The following PRMT8 variants were observed in gnomAD, a reference collection of about 807,000 sequenced individuals.
PRMT8 encodes protein arginine N-methyltransferase 8.
In PRMT8, 7 loss-of-function variants were observed where a neutral mutation model predicts 47.1. The observed-to-expected ratio is 0.15, with a 90% CI of 0.08 to 0.28. The LOEUF (loss-of-function observed/expected upper bound fraction) is 0.28, where lower values mean the gene tolerates loss of function less well. Among genes scored for constraint, PRMT8 ranks in the 10% least tolerant of loss-of-function variants. The pLI is 1.00. For missense variants in PRMT8, 237 were observed against 505.4 expected (o/e 0.47, Z 5.09); for synonymous variants, 188 against 186.5 (o/e 1.01, Z -0.07).
chr12:3,412,152 C>T (rs1187714004), intron 1 of PRMT8, among the ~76,000 whole-genome samples: 2 of 152,204 alleles, frequency 1.3e-5, no homozygotes, highest in African/African-American at 4.8e-5. Flanking sequence ...TCCTAGGCTA[C>T]AAACCTCTAC....
intron 1 of PRMT8, among the ~76,000 whole-genome samples, chr12:3,444,151 A>G (rs1008239498): frequency 6.6e-6 from 1 of 152,202 alleles, no homozygotes; most frequent in African/African-American, 2.4e-5. Context: ...CAGAACCCAG[A>G]CAAGGACTTG....
At position 3,540,632 on chromosome 12, in the gene PRMT8, C is replaced by CCCCCCCCCCCCCCCCCCCCCT; in HGVS notation, c.103_104insCCCCCCCCCCCCCCCCCCCTC (p.Pro34_Gln35insProProProProProProPro). On this transcript the variant is annotated inframe_insertion, in exon 2 of 10. Coordinates refer to ENST00000382622, the MANE Select transcript of PRMT8 (RefSeq NM_019854.5). The stretch of plus-strand genomic sequence containing the variant: ...TGAACAGCCCCCCCTCCCAGCCCCC[C>CCCCCCCCCCCCCCCCCCCCCT]CAGCCCGTCGTCCCTGCTAAGCCCG... The CCCCCCCCCCCCCCCCCCCCCT allele has an allele frequency of 6.3e-7, 1 of 1,582,662 alleles. No individual in the cohort carries two copies. The highest frequency in any genetic ancestry group is 8.7e-7 in the Non-Finnish European group (1 of 1,152,684).
At chr12:3,585,245 G>A (rs1565449912) in intron 8 of PRMT8, among the ~76,000 whole-genome samples, 1 of 151,800 alleles carries the variant, frequency 6.6e-6, no homozygotes, top group Non-Finnish European at 1.5e-5. Context: ...GGGGTGAGGA[G>A]GTGAGTAGTT....
Position 3,540,619 on chromosome 12 carries a change from C to CCAA in PRMT8, c.90_91insAAC (p.Pro30_Ser31insAsn). On this transcript the variant is annotated inframe_insertion, in exon 2 of 10. Coordinates refer to ENST00000382622, the MANE Select transcript of PRMT8 (RefSeq NM_019854.5). Reference sequence around the variant, plus strand: ...TCTTCCCCTCAGGTGAACAGCCCCCCCTCCCAGCCCCCCCAGCCCGTCGTC... The same window carrying CCAA: ...TCTTCCCCTCAGGTGAACAGCCCCCCCAACTCCCAGCCCCCCCAGCCCGTCGTC... The CCAA allele has an allele frequency of 2.6e-6, 3 of 1,174,306 alleles. No homozygotes were observed. The highest frequency in any genetic ancestry group is 3.8e-6 in the Non-Finnish European group (3 of 789,590). The allele number at this position is 1,174,306 out of a possible 1,614,324, so 72.7% of individuals were successfully genotyped here. A position where few individuals can be genotyped will look rare whatever the true frequency, so the allele number is the denominator to read the frequency against.
At chr12:3,561,688 G>A (rs2191216) in intron 4 of PRMT8, among the ~76,000 whole-genome samples, 2,355 of 152,258 alleles carry the variant, frequency 0.015, 31 homozygotes, top group Non-Finnish European at 0.021. Context: ...ATGCCATGGC[G>A]GTGGGGCCTT....
upstream of PRMT8, among the ~76,000 whole-genome samples, chr12:3,490,124 G>C (rs1865364933): frequency 6.6e-6 from 1 of 152,160 alleles, no homozygotes; most frequent in African/African-American, 2.4e-5. Flanking sequence ...CCCCAAACAA[G>C]TACAGAGATG....
chr12:3,419,968 A>C (rs1413592557), intron 1 of PRMT8, among the ~76,000 whole-genome samples: 53 of 107,968 alleles, frequency 4.9e-4, no homozygotes, highest in African/African-American at 1.9e-3. Flanking sequence ...AGGGGGAGAA[A>C]GAGGGAGAGG....
rs766574682 is a variant in PRMT8, at chr12:3,453,372, C to G, written c.48+71930C>G. On this transcript the variant is annotated intron_variant, in intron 1 of 9. Coordinates refer to the PRMT8 transcript ENST00000452611. This position sits in a 1 kb window ranked among gnomAD's most constrained non-coding sequence, Gnocchi z 4.9. ...AGATCCCCAAGGGGTAGAGTTTGCA[C>G]TGGTGGCTGGGTGTCGCCGTCAGCA... 6.6e-6 allele frequency among the ~76,000 whole-genome samples: 1 copy of G among 152,190 alleles called. No individual in the cohort carries two copies. The highest frequency in any genetic ancestry group is 6.5e-5 in the Admixed American group (1 of 15,284).
intron 6 of PRMT8, among the ~76,000 whole-genome samples, chr12:3,575,325 G>A (rs1324835367): frequency 6.6e-6 from 1 of 152,194 alleles, no homozygotes; most frequent in Non-Finnish European, 1.5e-5. Flanking sequence ...TTTGGTGAAT[G>A]TTTTAAAATA....
intron 1 of PRMT8, among the ~76,000 whole-genome samples, chr12:3,533,214 C>T (rs947171766): frequency 2.0e-5 from 3 of 152,278 alleles, no homozygotes; most frequent in South Asian, 2.1e-4. Flanking sequence ...ATCTGGAGAG[C>T]GTCTGTGCCT....
Position 3,569,610 on chromosome 12 carries a change from G to A in PRMT8, c.712+46G>A, listed in dbSNP as rs1255477177. 1.3e-6 allele frequency: 2 copies of A among 1,519,606 alleles called. No individual in the cohort carries two copies. Among genetic ancestry groups the A allele is most frequent in the Non-Finnish European group, 1.8e-6 (2 of 1,093,998 alleles). 94.1% of individuals were successfully genotyped at this position (1,519,606 alleles called of 1,614,324 possible). ...CCGGTGGACTTCCACTGCACAATTG[G>A]GGTGGGAGGCACTCCAGTGGGCCCG... On this transcript the variant is annotated intron_variant, in intron 6 of 9. Transcript: ENST00000382622. This position sits in a 1 kb window ranked among gnomAD's most constrained non-coding sequence, Gnocchi z 8.2.
chr12:3,410,413 A>G (rs922292484), intron 1 of PRMT8, among the ~76,000 whole-genome samples: 7 of 152,160 alleles, frequency 4.6e-5, no homozygotes, highest in Non-Finnish European at 8.8e-5. Flanking sequence ...CAAATCCTGT[A>G]TAGGTCCCAT....
intron 1 of PRMT8, among the ~76,000 whole-genome samples, chr12:3,413,982 T>A (rs960318804): frequency 1.3e-5 from 2 of 152,122 alleles, no homozygotes; most frequent in Non-Finnish European, 2.9e-5. Context: ...CCCCCATAGA[T>A]ACAGAGGGAT....
At chr12:3,417,175 T>A (rs1018340888) in intron 1 of PRMT8, among the ~76,000 whole-genome samples, 9 of 152,162 alleles carry the variant, frequency 5.9e-5, no homozygotes, top group African/African-American at 2.2e-4. Flanking sequence ...AATGTGGAGT[T>A]CGTAAATTTT....
chr12:3,548,939 G>A (rs1866371846), intron 2 of PRMT8, among the ~76,000 whole-genome samples: 1 of 152,124 alleles, frequency 6.6e-6, no homozygotes, highest in South Asian at 2.1e-4. Context: ...AATACATTGT[G>A]GTATAGTCAT....
intron 4 of PRMT8, among the ~76,000 whole-genome samples, chr12:3,565,697 C>T (rs73243703): frequency 0.015 from 2,267 of 152,228 alleles, 61 homozygotes; most frequent in African/African-American, 0.051. Flanking sequence ...TCTTCTATAT[C>T]GTCTGTCTAT....
intron 2 of PRMT8, among the ~76,000 whole-genome samples, chr12:3,544,962 C>G (rs963576376): frequency 6.6e-6 from 1 of 152,228 alleles, no homozygotes; most frequent in Non-Finnish European, 1.5e-5. Flanking sequence ...AGACTTTTAA[C>G]TGTGGTTATG....
intron 1 of PRMT8, among the ~76,000 whole-genome samples, chr12:3,478,186 G>A (rs1461616727): frequency 6.6e-6 from 1 of 152,148 alleles, no homozygotes; most frequent in Non-Finnish European, 1.5e-5. Context: ...AAAAGGAGTA[G>A]ACTGAACTCT....
At chr12:3,551,009 TGAGCAGCA>T (rs1294695934) in intron 3 of PRMT8, 1 of 152,196 alleles carries the variant, frequency 6.6e-6, no homozygotes, top group African/African-American at 2.4e-5. Context: ...CTCAGCGACC[TGAGCAGCA>T]TTCAGTGGGT....
Sources: gnomAD v4.1 joint callset for allele counts (sites outside exome capture counted in the v4.1 genomes callset) on GRCh38, gnomAD v4.1.1 for gene constraint, Gnocchi (gnomAD v3.1) non-coding constraint, MANE v1.5 for transcripts, NCBI Gene and HGNC (gene_info 2026-07-23, HGNC 2026-07-21) for gene names.